Variants in ETV1 observed in about 807,000 individuals in gnomAD.
ETV1 encodes the protein ETS variant transcription factor 1, also known as ETS translocation variant 1.
Under a neutral mutation model 62.3 loss-of-function variants are expected in ETV1, and 27 were observed. That is an observed-to-expected ratio of 0.43 (90% confidence interval 0.32 to 0.60). ETV1 has a LOEUF of 0.60. Ranked by LOEUF, ETV1 falls within the 20% of genes least tolerant of loss-of-function variation. The pLI is 0.06. For synonymous variants in ETV1, 222 were observed against 199.6 expected, an observed-to-expected ratio of 1.11 and a Z score of -0.94; for missense variants, 605 against 605.8, an observed-to-expected ratio of 1.00 and a Z score of 0.01.
At chr7:13,916,309 C>A (rs1583615886) in intron 9 of ETV1, among the ~76,000 whole-genome samples, 1 of 151,980 alleles carries the variant, frequency 6.6e-6, no homozygotes, top group South Asian at 2.1e-4. Flanking sequence ...TTTTAATATG[C>A]TTGTAATAGC....
intron 6 of ETV1, among the ~76,000 whole-genome samples, chr7:13,951,189 TTC>T (rs144452493): frequency 1.3e-5 from 2 of 151,718 alleles, no homozygotes; most frequent in Admixed American, 6.6e-5. Context: ...CATGTGCATG[TTC>T]TCTCTCTCTC....
intron 5 of ETV1, among the ~76,000 whole-genome samples, chr7:13,979,841 GT>G (rs1426862392): frequency 2.0e-5 from 3 of 152,070 alleles, no homozygotes; most frequent in African/African-American, 7.2e-5. Context: ...TCTTTTGTTT[GT>G]TTTTGTAGCA....
chr7:13,946,127 TG>T (rs1243600989), intron 6 of ETV1, among the ~76,000 whole-genome samples: 2 of 152,316 alleles, frequency 1.3e-5, no homozygotes, highest in Non-Finnish European at 2.9e-5. Context: ...ATTTGCAAAG[TG>T]GTGGTTCAAA....
At chr7:13,954,221 C>T (rs926677560) in intron 6 of ETV1, among the ~76,000 whole-genome samples, 16 of 152,106 alleles carry the variant, frequency 1.1e-4, no homozygotes, top group Admixed American at 3.3e-4. Flanking sequence ...ATTTTAAAGG[C>T]AATAAAATAA....
intron 12 of ETV1, 25 bp from the exon 13 acceptor site, chr7:13,900,864 T>C (rs1355747595): frequency 2.8e-6 from 4 of 1,439,028 alleles, no homozygotes; most frequent in South Asian, 1.2e-5. Context: ...AATTACATTG[T>C]AGTGTTAAGT....
intron 9 of ETV1, among the ~76,000 whole-genome samples, chr7:13,922,538 G>A (rs1029168995): frequency 6.6e-6 from 1 of 152,264 alleles, no homozygotes; most frequent in East Asian, 1.9e-4. Context: ...TTGAGGCCAA[G>A]AGTTAGCAAC....
chr7:13,940,806 A>T (rs958986415), intron 6 of ETV1, among the ~76,000 whole-genome samples: 4 of 152,220 alleles, frequency 2.6e-5, no homozygotes, highest in Admixed American at 6.5e-5. Flanking sequence ...GATATCACAA[A>T]CTACCAAGCT....
At chr7:13,975,057 C>G (rs1339593505) in intron 6 of ETV1, 1 of 152,224 alleles carries the variant, frequency 6.6e-6, no homozygotes, top group Non-Finnish European at 1.5e-5. Context: ...CTGACCAATA[C>G]AGTAGCCAGT....
At chr7:13,904,835 G>T (rs770294495) in intron 12 of ETV1, among the ~76,000 whole-genome samples, 7 of 151,552 alleles carry the variant, frequency 4.6e-5, no homozygotes, top group Non-Finnish European at 8.8e-5. Flanking sequence ...ATTTGTTAGT[G>T]CTTAACATTT....
intron 8 of ETV1, among the ~76,000 whole-genome samples, chr7:13,933,375 G>A (rs1254295639): frequency 1.3e-5 from 2 of 152,312 alleles, no homozygotes. Context: ...GATTCAAGAA[G>A]CTTCTGGAAA....
intron 6 of ETV1, among the ~76,000 whole-genome samples, chr7:13,959,431 A>G (rs892691350): frequency 1.3e-5 from 2 of 152,194 alleles, no homozygotes; most frequent in African/African-American, 4.8e-5. Flanking sequence ...TGCTTTTAGA[A>G]GGCAGGAATC....
At chr7:13,932,974 A>T (rs746282761) in intron 8 of ETV1, among the ~76,000 whole-genome samples, 24 of 152,344 alleles carry the variant, frequency 1.6e-4, no homozygotes, top group Non-Finnish European at 2.8e-4. Flanking sequence ...CTGAAATTCC[A>T]CCTACACCTG....
intron 12 of ETV1, among the ~76,000 whole-genome samples, chr7:13,901,146 A>C (rs1222338896): frequency 3.3e-5 from 5 of 152,110 alleles, no homozygotes; most frequent in Non-Finnish European, 7.4e-5. Flanking sequence ...GTGGGATTAC[A>C]GGTGGGCCCC....
chr7:13,935,594 G>T, intron 8 of ETV1, 114 bp downstream of exon 8: 1 of 826,490 alleles, frequency 1.2e-6, no homozygotes, highest in Non-Finnish European at 2.0e-6. Flanking sequence ...TTGCACAGAT[G>T]TGCAAAATTA....
intron 6 of ETV1, among the ~76,000 whole-genome samples, chr7:13,940,444 A>T (rs1238507167): frequency 6.6e-6 from 1 of 152,120 alleles, no homozygotes; most frequent in Non-Finnish European, 1.5e-5. Flanking sequence ...AGAAATGCCT[A>T]TTAGAAATCT....
intron 12 of ETV1, among the ~76,000 whole-genome samples, chr7:13,905,884 C>T (rs1782904466): frequency 6.6e-6 from 1 of 152,158 alleles, no homozygotes; most frequent in East Asian, 1.9e-4. Flanking sequence ...CACTTAAGGG[C>T]TGAGAATTTT....
chr7:13,898,821 A>T (rs1433045143), intron 13 of ETV1, among the ~76,000 whole-genome samples: 1 of 152,194 alleles, frequency 6.6e-6, no homozygotes, highest in East Asian at 1.9e-4. Context: ...TTACTTGAAC[A>T]TCAGAATGGT....
At chr7:13,940,610 T>C (rs1787393332) in intron 6 of ETV1, among the ~76,000 whole-genome samples, 1 of 152,162 alleles carries the variant, frequency 6.6e-6, no homozygotes, top group African/African-American at 2.4e-5. Context: ...TGGAGATTTA[T>C]TCTAACTCTT....
intron 9 of ETV1, among the ~76,000 whole-genome samples, chr7:13,912,646 G>A (rs1783676516): frequency 6.6e-6 from 1 of 152,140 alleles, no homozygotes; most frequent in Admixed American, 6.6e-5. Context: ...GCCAATTGCT[G>A]TTACTATTTA....
Sources: gnomAD v4.1 joint callset for allele counts (sites outside exome capture counted in the v4.1 genomes callset) on GRCh38, gnomAD v4.1.1 for gene constraint, MANE v1.5 for transcripts, NCBI Gene and HGNC (gene_info 2026-07-23, HGNC 2026-07-21) for gene names.